The following FNIP2 variants were observed in gnomAD, a reference collection of about 807,000 sequenced individuals.
FNIP2 encodes folliculin-interacting protein 2.
FNIP2 carries 32 observed loss-of-function variants against 108.7 expected under a neutral mutation model. The ratio of observed to expected loss-of-function variants is 0.29; its 90% CI spans 0.22 to 0.40. The LOEUF (loss-of-function observed/expected upper bound fraction) is 0.40. Ranked by LOEUF, FNIP2 falls within the 10% of genes least tolerant of loss-of-function variation. FNIP2 has a pLI of 1.00. For synonymous variants in FNIP2, 480 were observed against 496.7 expected (o/e 0.97, Z 0.45); for missense variants, 1,202 against 1,381.6 (o/e 0.87, Z 2.06).
intron 14 of FNIP2, among the ~76,000 whole-genome samples, chr4:158,881,043 T>C (rs116132712): frequency 2.0e-3 from 302 of 152,294 alleles, no homozygotes; most frequent in Non-Finnish European, 3.7e-3. Context: ...ATAAGGAGAA[T>C]TATTGTGGAA....
intron 8 of FNIP2, among the ~76,000 whole-genome samples, chr4:158,854,313 T>A (rs1240987412): frequency 6.6e-6 from 1 of 152,240 alleles, no homozygotes; most frequent in Admixed American, 6.5e-5. Context: ...TTCCTGGAGC[T>A]ACCAGAGTCC....
At chr4:158,880,241 C>T (rs890954808) in intron 14 of FNIP2, among the ~76,000 whole-genome samples, 1 of 152,158 alleles carries the variant, frequency 6.6e-6, no homozygotes, top group African/African-American at 2.4e-5. Flanking sequence ...GGCACATATA[C>T]ACTACGGAAT....
chr4:158,834,140 G>A (rs187982347), intron 6 of FNIP2: 67 of 186,432 alleles, frequency 3.6e-4, no homozygotes, highest in Admixed American at 6.3e-4. Flanking sequence ...GTATTTCCAA[G>A]AGGATTGTTT....
chr4:158,850,402 T>G (rs1779630689), intron 7 of FNIP2, among the ~76,000 whole-genome samples: 1 of 151,812 alleles, frequency 6.6e-6, no homozygotes. Context: ...TCAAGCAGCT[T>G]GACTTGAAAG....
At chr4:158,802,321 T>C (rs1776790790) in intron 1 of FNIP2, among the ~76,000 whole-genome samples, 1 of 152,166 alleles carries the variant, frequency 6.6e-6, no homozygotes, top group South Asian at 2.1e-4. Context: ...TCCTGTCCTG[T>C]ATTTATTTCT....
chr4:158,777,460 C>T (rs958335176), intron 1 of FNIP2, among the ~76,000 whole-genome samples: 4 of 152,146 alleles, frequency 2.6e-5, no homozygotes, highest in South Asian at 4.1e-4. Context: ...AATGGATTTG[C>T]GAATCTGACA....
rs1423980432 is a variant in FNIP2, at chr4:158,893,630, A to T, written c.3150+1984A>T. On this transcript the variant is annotated intron_variant, in intron 15 of 16. Coordinates refer to ENST00000264433, the MANE Select transcript of FNIP2 (RefSeq NM_020840.3). Reference sequence around the variant, plus strand: ...TGAGAAGCACTTGTGGATTATTATGATCTTATTTTTTGTTATACAGTAGTA... The same window carrying T: ...TGAGAAGCACTTGTGGATTATTATGTTCTTATTTTTTGTTATACAGTAGTA... 3.0e-6 allele frequency: 4 copies of T among 1,330,478 alleles called. No individual in the cohort carries two copies. The African/African-American group carries it at 4.4e-5, about 15-fold the overall frequency. The allele number at this position is 1,330,478 out of a possible 1,614,324, so 82.4% of individuals were successfully genotyped here.
At chr4:158,888,518 A>G (rs1405981663) in intron 14 of FNIP2, among the ~76,000 whole-genome samples, 1 of 152,190 alleles carries the variant, frequency 6.6e-6, no homozygotes, top group Non-Finnish European at 1.5e-5. Flanking sequence ...ACTCCCGCAA[A>G]TTCTTGTCAG....
At chr4:158,844,200 T>G (rs1779277244) in intron 7 of FNIP2, among the ~76,000 whole-genome samples, 1 of 152,194 alleles carries the variant, frequency 6.6e-6, no homozygotes, top group Non-Finnish European at 1.5e-5. Context: ...CTACCCAATC[T>G]GTCATATTAA....
Position 158,895,738 on chromosome 4 carries a change from T to G in FNIP2, c.3151-12T>G, listed in dbSNP as rs1413957171. ...CTTCTAGCCCTCATTGTGAATGTTC[T>G]TGGCTTTGCAGTGCATCATGCATCT... On this transcript the variant is annotated splice_polypyrimidine_tract_variant and intron_variant, in intron 15 of 16. Coordinates refer to ENST00000264433, the MANE Select transcript of FNIP2 (RefSeq NM_020840.3). 6.5e-7 allele frequency: 1 copy of G among 1,547,650 alleles called. No homozygotes were observed. Among genetic ancestry groups the G allele is most frequent in the South Asian group, 1.1e-5 (1 of 88,570 alleles).
At position 158,869,076 on chromosome 4, in the gene FNIP2, A is replaced by G. The variant is rs1305489016; in HGVS notation, c.2440A>G (p.Ser814Gly). 1 of 1,614,022 alleles carries G rather than the reference A, an allele frequency of 6.2e-7. No homozygotes were observed. The highest frequency in any genetic ancestry group is 1.7e-5 in the Admixed American group (1 of 60,030). ...GGCAGCAGATATTGCTGGGCAGCTC[A>G]GCCACGCTGCTGACTTGGGCACAGC... is the stretch of plus-strand genomic sequence containing the variant. ...DMAADIAGQLSHAADLGTASH... is the reference protein window; with the variant it reads ...DMAADIAGQLGHAADLGTASH... The change falls in exon 13 of 17, where the codon AGC becomes GGC. Residue 814 changes from serine to glycine, a missense_variant. Physicochemically the swap from Ser to Gly is moderately conservative, Grantham distance 56. This residue lies in a region of FNIP2 where 878 missense variants were observed against 990.3 expected (regional missense o/e 0.89). Coordinates refer to ENST00000264433, the MANE Select transcript of FNIP2 (RefSeq NM_020840.3).
chr4:158,834,288 T>TTCTCTCTCTCCCTCTC (rs1778654534), intron 6 of FNIP2: 2 of 63,222 alleles, frequency 3.2e-5, no homozygotes, highest in Non-Finnish European at 5.8e-5. Flanking sequence ...CATGGAAGAC[T>TTCTCTCTCTCCCTCTC]TCTCTCTCTC....
chr4:158,822,582 T>A (rs1417980267), intron 1 of FNIP2, among the ~76,000 whole-genome samples: 1 of 152,112 alleles, frequency 6.6e-6, no homozygotes, highest in East Asian at 1.9e-4. Context: ...ACTGCAGCCT[T>A]GAACTCCTAG....
At chr4:158,881,991 A>G (rs1383144021) in intron 14 of FNIP2, among the ~76,000 whole-genome samples, 2 of 134,130 alleles carry the variant, frequency 1.5e-5, no homozygotes, top group African/African-American at 5.9e-5. Flanking sequence ...GCCGCCATCC[A>G]GTCTAGGAAG....
intron 1 of FNIP2, among the ~76,000 whole-genome samples, chr4:158,814,440 T>C (rs1777453480): frequency 6.6e-6 from 1 of 152,206 alleles, no homozygotes; most frequent in Admixed American, 6.5e-5. Context: ...TCTAAAATAT[T>C]AGGCAATTAT....
intron 1 of FNIP2, among the ~76,000 whole-genome samples, chr4:158,787,340 T>G (rs982193948): frequency 2.6e-5 from 4 of 152,220 alleles, no homozygotes; most frequent in African/African-American, 9.6e-5. Flanking sequence ...AAAATTGTGG[T>G]GGGAGAGAGG....
intron 1 of FNIP2, among the ~76,000 whole-genome samples, chr4:158,801,479 TG>T (rs1245281508): frequency 6.6e-6 from 1 of 152,154 alleles, no homozygotes; most frequent in Non-Finnish European, 1.5e-5. Flanking sequence ...GGCGCAGACG[TG>T]GTATGAGAAT....
rs761676307 is a variant in FNIP2 at position 158,868,837 on chromosome 4, G to T, written c.2201G>T (p.Arg734Leu). 1 of 1,613,792 alleles carries T rather than the reference G, an allele frequency of 6.2e-7. No individual in the cohort carries two copies. Among genetic ancestry groups the T allele is most frequent in the Non-Finnish European group, 8.5e-7 (1 of 1,179,868 alleles). ...FASPESDFES[R>L]MKKMEERVKA... ...TCTCCAGAGTCTGACTTTGAAAGCC[G>T]CATGAAAAAAATGGAGGAACGGGTG... The change falls in exon 13 of 17, where the codon CGC becomes CTC. Residue 734 changes from arginine (R) to leucine (L), a missense_variant. Arg to Leu is a moderately radical substitution (Grantham distance 102). Around this residue, in one of 5 missense-constraint regions of FNIP2, gnomAD observed 878 missense variants for 990.3 expected, o/e 0.89. Coordinates refer to ENST00000264433, the MANE Select transcript of FNIP2 (RefSeq NM_020840.3). The surrounding 1 kb of genome is among the most constrained non-coding windows in gnomAD (Gnocchi z 4.6).
chr4:158,832,571 A>G lies in FNIP2; in HGVS notation c.554+433A>G, dbSNP rs17037709. Among the ~76,000 whole-genome samples, 701 of 152,338 alleles carry G rather than the reference A, an allele frequency of 4.6e-3. 4 individuals are homozygous for G. The highest frequency in any genetic ancestry group is 7.1e-3 in the Non-Finnish European group (480 of 68,026). ...ACAACAAAACACCAGTTGTACTTTGATAAGTTTGAAAGAAGCGCTTGTTAT... is the reference window on the plus strand; with the variant it reads ...ACAACAAAACACCAGTTGTACTTTGGTAAGTTTGAAAGAAGCGCTTGTTAT... On this transcript the variant is annotated intron_variant, in intron 5 of 16. Coordinates refer to ENST00000264433, the MANE Select transcript of FNIP2 (RefSeq NM_020840.3).
Sources: allele counts gnomAD v4.1 joint callset (sites outside exome capture counted in the v4.1 genomes callset), GRCh38; gene constraint gnomAD v4.1.1; regional missense constraint gnomAD v4.1.1; non-coding constraint Gnocchi (gnomAD v3.1); transcripts MANE v1.5; gene names NCBI Gene and HGNC (gene_info 2026-07-23, HGNC 2026-07-21).